Variants in PLAC8L1 observed in about 807,000 individuals in gnomAD.
PLAC8L1 encodes PLAC8-like protein 1.
Under a neutral mutation model 16.3 loss-of-function variants are expected in PLAC8L1, and 13 were observed. The observed-to-expected ratio is 0.80, with a 90% CI of 0.52 to 1.27. PLAC8L1 has a LOEUF of 1.27. Among genes scored for constraint, PLAC8L1 ranks in the 50% most tolerant of loss-of-function variants. The probability of loss-of-function intolerance (pLI) is 0.00; values close to 1 mark genes in which losing one functional copy is unlikely to be tolerated. For missense variants in PLAC8L1, 184 were observed against 220.2 expected (o/e 0.84, Z 1.04); for synonymous variants, 78 against 79.3 (o/e 0.98, Z 0.09).
At chr5:146,102,595 T>G (rs889846781) in intron 1 of PLAC8L1, among the ~76,000 whole-genome samples, 3 of 152,188 alleles carry the variant, frequency 2.0e-5, no homozygotes, top group Non-Finnish European at 2.9e-5. Flanking sequence ...TCTGCTACCA[T>G]GAAGAACAGG....
chr5:146,090,523 A>G (rs1242847349), intron 2 of PLAC8L1, among the ~76,000 whole-genome samples: 1 of 148,972 alleles, frequency 6.7e-6, no homozygotes, highest in Non-Finnish European at 1.5e-5. Flanking sequence ...CAAAGGAATG[A>G]GACCGTCTCA....
chr5:146,085,636 T>C (rs780320532), intron 2 of PLAC8L1, 39 bp from the exon 3 acceptor site: 1 of 1,587,958 alleles, frequency 6.3e-7, no homozygotes, highest in South Asian at 1.1e-5. Context: ...GGTTCTCAGA[T>C]TTCTTGGAGC....
At position 146,098,160 on chromosome 5, in the gene PLAC8L1, T is replaced by A; in HGVS notation, c.252A>T (p.Arg84Ser). 6.2e-7 allele frequency: 1 copy of A among 1,608,046 alleles called. No individual in the cohort carries two copies. Residue 84 changes from arginine (R) to serine (S), a missense_variant, in exon 2 of 4, where the codon AGA becomes AGT. By Grantham distance (110) the Arg-to-Ser change is moderately radical. Coordinates refer to ENST00000311450, the MANE Select transcript of PLAC8L1 (RefSeq NM_001029869.3). ...AAATAAGGAGGAAAAACTTACAAATTCTCCTATCTCTGCAGACACTGAAGA... is the reference window on the plus strand; with the variant it reads ...AAATAAGGAGGAAAAACTTACAAATACTCCTATCTCTGCAGACACTGAAGA... The part of the protein sequence containing the change: ...TGLFSVCRDR[R>S]ICFCGLFCPM...
At chr5:146,101,339 TA>T (rs1158348830) in intron 1 of PLAC8L1, among the ~76,000 whole-genome samples, 2 of 152,160 alleles carry the variant, frequency 1.3e-5, no homozygotes, top group African/African-American at 4.8e-5. Flanking sequence ...GCTGGCACTC[TA>T]ATCTCAGACT....
chr5:146,093,719 T>C (rs547504564), intron 2 of PLAC8L1, among the ~76,000 whole-genome samples: 2 of 152,332 alleles, frequency 1.3e-5, no homozygotes, highest in African/African-American at 4.8e-5. Flanking sequence ...ACAGGTTACC[T>C]GAGATGCAGT....
intron 2 of PLAC8L1, among the ~76,000 whole-genome samples, chr5:146,096,841 C>T (rs1004751982): frequency 6.6e-6 from 1 of 152,168 alleles, no homozygotes; most frequent in Non-Finnish European, 1.5e-5. Context: ...CTGAGAGAAC[C>T]AGAGAACAGC....
intron 2 of PLAC8L1, among the ~76,000 whole-genome samples, chr5:146,097,374 T>C (rs1763734821): frequency 6.6e-6 from 1 of 152,240 alleles, no homozygotes; most frequent in Admixed American, 6.5e-5. Flanking sequence ...ATTGTTCTTG[T>C]TGATAGGAGT....
chr5:146,098,274 G>A lies in PLAC8L1; in HGVS notation c.138C>T (p.Ser46=), dbSNP rs113446207. 5.4e-5 allele frequency: 87 copies of A among 1,613,928 alleles called. 2 individuals are homozygous for A. Among genetic ancestry groups the A allele is most frequent in the African/African-American group, 3.3e-4 (25 of 74,922 alleles). Reference sequence around the variant, plus strand: ...CCCGAACAGGCTGCTTCACCACAGCGCTGGCTGGTACATGGCCTCTGGAGA... The same window carrying A: ...CCCGAACAGGCTGCTTCACCACAGCACTGGCTGGTACATGGCCTCTGGAGA... ...ISNLRGHVPA[S]AVVKQPVRGA... The change falls in exon 2 of 4, where the codon AGC becomes AGT. Residue 46 remains serine, a synonymous_variant. Coordinates refer to ENST00000311450, the MANE Select transcript of PLAC8L1 (RefSeq NM_001029869.3).
chr5:146,087,281 TTTGA>T (rs551494153), intron 2 of PLAC8L1, among the ~76,000 whole-genome samples: 53 of 152,306 alleles, frequency 3.5e-4, no homozygotes, highest in Non-Finnish European at 5.9e-4. Context: ...TTGATAAACA[TTTGA>T]TTATTTCATT....
At position 146,104,469 on chromosome 5, in the gene PLAC8L1, C is replaced by G; in HGVS notation, c.-158G>C. 1 of 622,946 alleles carries G rather than the reference C, an allele frequency of 1.6e-6. No homozygotes were observed. Among genetic ancestry groups the G allele is most frequent in the Non-Finnish European group, 2.9e-6 (1 of 348,090 alleles). 38.6% of individuals were successfully genotyped at this position (622,946 alleles called of 1,614,324 possible). A position where few individuals can be genotyped will look rare whatever the true frequency, so the allele number is the denominator to read the frequency against. On this transcript the variant is annotated 5_prime_UTR_variant, in exon 1 of 4. Coordinates refer to ENST00000311450, the MANE Select transcript of PLAC8L1 (RefSeq NM_001029869.3). ...TCATAGCAGTGTAACTAACAGACAT[C>G]TTTTTTCTTTAAAAACAGGTATACA...
intron 2 of PLAC8L1, 106 bp from the exon 3 acceptor site, chr5:146,085,703 G>T (rs184759122): frequency 8.3e-7 from 1 of 1,201,772 alleles, no homozygotes; most frequent in Admixed American, 2.6e-5. Flanking sequence ...ATGCTGCACT[G>T]TCTCCCTGCT....
intron 2 of PLAC8L1, among the ~76,000 whole-genome samples, chr5:146,091,132 A>C (rs1763612886): frequency 6.6e-6 from 1 of 152,224 alleles, no homozygotes; most frequent in Non-Finnish European, 1.5e-5. Context: ...ATGGAAGTAG[A>C]AATTAGCACA....
chr5:146,085,068 CTT>C (rs3062187), intron 3 of PLAC8L1, among the ~76,000 whole-genome samples: 33,817 of 151,826 alleles, frequency 0.22, 4,802 homozygotes, highest in Admixed American at 0.33. Context: ...CATATATAGT[CTT>C]TTAAAATAGT....
chr5:146,087,950 TACTC>T (rs1469611942), intron 2 of PLAC8L1, among the ~76,000 whole-genome samples: 8 of 152,078 alleles, frequency 5.3e-5, no homozygotes, highest in Non-Finnish European at 1.0e-4. Context: ...CATAAGAACT[TACTC>T]ACTATACAGT....
At chr5:146,088,618 A>G (rs1021434005) in intron 2 of PLAC8L1, among the ~76,000 whole-genome samples, 3 of 152,228 alleles carry the variant, frequency 2.0e-5, no homozygotes, top group African/African-American at 4.8e-5. Flanking sequence ...ATGGGGGCAG[A>G]GAAGGAACAT....
intron 2 of PLAC8L1, among the ~76,000 whole-genome samples, chr5:146,097,297 T>C (rs753976121): frequency 6.6e-6 from 1 of 152,226 alleles, no homozygotes; most frequent in Non-Finnish European, 1.5e-5. Flanking sequence ...TGCCCCTCTT[T>C]ATAGCTGAAA....
At chr5:146,095,353 G>A (rs1404658034) in intron 2 of PLAC8L1, among the ~76,000 whole-genome samples, 1 of 152,114 alleles carries the variant, frequency 6.6e-6, no homozygotes, top group Non-Finnish European at 1.5e-5. Flanking sequence ...GGACAACCAG[G>A]GAATCCTCAG....
intron 2 of PLAC8L1, among the ~76,000 whole-genome samples, chr5:146,096,690 C>T (rs1041749136): frequency 6.6e-6 from 1 of 151,326 alleles, no homozygotes; most frequent in Non-Finnish European, 1.5e-5. Flanking sequence ...CAACCCCCAA[C>T]CATAAGCTAT....
At chr5:146,085,724 GAATA>G in intron 2 of PLAC8L1, 127 bp from the exon 3 acceptor site, 2 of 1,046,582 alleles carry the variant, frequency 1.9e-6, no homozygotes, top group East Asian at 2.7e-5. Flanking sequence ...ATCAGACTGA[GAATA>G]AATAACCAAT....
Sources: allele counts gnomAD v4.1 joint callset (sites outside exome capture counted in the v4.1 genomes callset), GRCh38; gene constraint gnomAD v4.1.1; transcripts MANE v1.5; gene names NCBI Gene and HGNC (gene_info 2026-07-23, HGNC 2026-07-21).